Variants in ADAMTS6 observed in about 807,000 individuals in gnomAD.
ADAMTS6 encodes the protein ADAM metallopeptidase with thrombospondin type 1 motif 6.
A neutral mutation model predicts 144.3 loss-of-function variants in ADAMTS6; 23 were observed. The observed-to-expected ratio is 0.16, with a 90% CI of 0.11 to 0.23. ADAMTS6 has a LOEUF of 0.23. Ranked by LOEUF, ADAMTS6 falls within the 10% of genes least tolerant of loss-of-function variation. ADAMTS6 has a pLI of 1.00. For missense variants in ADAMTS6, 999 were observed against 1,379.6 expected (o/e 0.72, Z 4.37); for synonymous variants, 444 against 457.5 (o/e 0.97, Z 0.38).
At chr5:65,379,138 T>C (rs1006469741) in intron 7 of ADAMTS6, among the ~76,000 whole-genome samples, 12 of 152,228 alleles carry the variant, frequency 7.9e-5, no homozygotes, top group Non-Finnish European at 1.5e-4. Flanking sequence ...CCTCATTTAA[T>C]CCTTTGTTTT....
intron 9 of ADAMTS6, among the ~76,000 whole-genome samples, chr5:65,300,635 TTTC>T: frequency 6.6e-6 from 1 of 151,230 alleles, no homozygotes; most frequent in African/African-American, 2.5e-5. Flanking sequence ...TTTCTTTTTC[TTTC>T]TTTTTTTTTT....
chr5:65,401,383 G>C (rs890426241), intron 7 of ADAMTS6, among the ~76,000 whole-genome samples: 1 of 151,666 alleles, frequency 6.6e-6, no homozygotes, highest in South Asian at 2.1e-4. Context: ...TGGTTAGCTA[G>C]TTTCTCCTGA....
intron 7 of ADAMTS6, among the ~76,000 whole-genome samples, chr5:65,384,269 GCTTT>G (rs1370321108): frequency 2.6e-5 from 4 of 152,182 alleles, no homozygotes; most frequent in African/African-American, 4.8e-5. Context: ...TTCAAATTCT[GCTTT>G]CTTTTTTATT....
Position 65,205,117 on chromosome 5 carries a change from GA to G in ADAMTS6, c.2576-7967del, listed in dbSNP as rs970274604. Among the ~76,000 whole-genome samples, 116 of 142,188 alleles carry G rather than the reference GA, an allele frequency of 8.2e-4. 1 individual carries two copies. The highest frequency in any genetic ancestry group is 1.9e-3 in the African/African-American group (73 of 39,028). The allele number at this position is 142,188 out of a possible 152,430, so 93.3% of individuals were successfully genotyped here. A position where few individuals can be genotyped will look rare whatever the true frequency, so the allele number is the denominator to read the frequency against. ...TTCAATCAAGTCTATTTTGAATCTT[GA>G]AAAAAAAAAACAACAACTGGACTTT... On this transcript the variant is annotated intron_variant, in intron 20 of 24. Coordinates refer to ENST00000381055, the MANE Select transcript of ADAMTS6 (RefSeq NM_197941.4).
intron 7 of ADAMTS6, among the ~76,000 whole-genome samples, chr5:65,390,993 C>T (rs1752866547): frequency 6.6e-6 from 1 of 150,694 alleles, no homozygotes; most frequent in African/African-American, 2.4e-5. Flanking sequence ...TTGTCACCCT[C>T]ACCCAGGCTG....
intron 24 of ADAMTS6, among the ~76,000 whole-genome samples, chr5:65,154,131 C>T (rs1752276914): frequency 6.6e-6 from 1 of 152,174 alleles, no homozygotes; most frequent in African/African-American, 2.4e-5. Flanking sequence ...TCACTTGAAC[C>T]CGGGAGGCGG....
intron 9 of ADAMTS6, among the ~76,000 whole-genome samples, chr5:65,319,880 G>C (rs1745424047): frequency 6.6e-6 from 1 of 152,168 alleles, no homozygotes; most frequent in Admixed American, 6.5e-5. Flanking sequence ...TTTCACTCTT[G>C]TTGCCCAGGC....
intron 7 of ADAMTS6, among the ~76,000 whole-genome samples, chr5:65,447,917 T>C (rs953694281): frequency 2.7e-5 from 4 of 150,820 alleles, no homozygotes; most frequent in Admixed American, 6.6e-5. Flanking sequence ...CTAACTTTGG[T>C]ATTCAGAGCT....
chr5:65,271,277 A>T lies in ADAMTS6; in HGVS notation c.1620+2063T>A, dbSNP rs151102587. ...GTGGTATGTGCCTGTAATCCCAGCT[A>T]CTCAGGCAGCAGAATTGCTTAAATC... On this transcript the variant is annotated intron_variant, in intron 12 of 24. Coordinates refer to ENST00000381055, the MANE Select transcript of ADAMTS6 (RefSeq NM_197941.4). 4.1e-3 allele frequency among the ~76,000 whole-genome samples: 619 copies of T among 150,820 alleles called. 2 individuals carry two copies. Among genetic ancestry groups the T allele is most frequent in the African/African-American group, 0.013 (549 of 41,056 alleles).
intron 9 of ADAMTS6, among the ~76,000 whole-genome samples, chr5:65,321,939 C>G (rs961531753): frequency 6.6e-6 from 1 of 151,992 alleles, no homozygotes; most frequent in Non-Finnish European, 1.5e-5. Context: ...TGGTCTCAAA[C>G]TCCTGACCTC....
chr5:65,220,379 T>G (rs1188828054), intron 18 of ADAMTS6, among the ~76,000 whole-genome samples: 1 of 152,138 alleles, frequency 6.6e-6, no homozygotes, highest in Non-Finnish European at 1.5e-5. Flanking sequence ...TAATTTAAGT[T>G]TGTATCTTGA....
chr5:65,342,191 C>T (rs536473247), intron 7 of ADAMTS6, among the ~76,000 whole-genome samples: 9 of 152,122 alleles, frequency 5.9e-5, no homozygotes, highest in South Asian at 2.1e-4. Flanking sequence ...GTGTATTAGT[C>T]CATTTTCACA....
intron 24 of ADAMTS6, among the ~76,000 whole-genome samples, chr5:65,156,111 C>T (rs1167799141): frequency 6.6e-6 from 1 of 152,104 alleles, no homozygotes; most frequent in East Asian, 1.9e-4. Flanking sequence ...TTGGGGCATT[C>T]AACCCATCTA....
At chr5:65,444,776 AT>A (rs149823187) in intron 7 of ADAMTS6, among the ~76,000 whole-genome samples, 26,628 of 149,900 alleles carry the variant, frequency 0.18, 3,135 homozygotes, top group African/African-American at 0.34. Context: ...AGGATACCAC[AT>A]TTTTTTTTTG....
intron 21 of ADAMTS6, among the ~76,000 whole-genome samples, chr5:65,196,477 C>T (rs1392613993): frequency 5.2e-5 from 7 of 134,162 alleles, no homozygotes; most frequent in Admixed American, 1.6e-4. Flanking sequence ...AAGCCGAGAT[C>T]GCGCCACTGC....
intron 24 of ADAMTS6, among the ~76,000 whole-genome samples, chr5:65,161,418 T>G (rs1311668387): frequency 6.6e-6 from 1 of 152,196 alleles, no homozygotes; most frequent in Non-Finnish European, 1.5e-5. Flanking sequence ...CTCATAATGT[T>G]TTATTCACTT....
chr5:65,198,691 C>G (rs1229845994), intron 20 of ADAMTS6: 1 of 166,926 alleles, frequency 6.0e-6, no homozygotes, highest in Non-Finnish European at 1.5e-5. Flanking sequence ...CTTCTGCAAC[C>G]ATTTTTTATG....
At chr5:65,199,319 G>A (rs17812972) in intron 20 of ADAMTS6, among the ~76,000 whole-genome samples, 1,527 of 152,200 alleles carry the variant, frequency 0.01, 17 homozygotes, top group Non-Finnish European at 0.015. Flanking sequence ...ATTAAGTCAA[G>A]ATAAAATTCT....
At chr5:65,293,777 C>A (rs1365225162) in intron 10 of ADAMTS6, among the ~76,000 whole-genome samples, 1 of 152,048 alleles carries the variant, frequency 6.6e-6, no homozygotes, top group Non-Finnish European at 1.5e-5. Flanking sequence ...GGTCAAAACT[C>A]TTCTAAGAAA....
Sources: allele counts gnomAD v4.1 joint callset (sites outside exome capture counted in the v4.1 genomes callset), GRCh38; gene constraint gnomAD v4.1.1; transcripts MANE v1.5; gene names NCBI Gene and HGNC (gene_info 2026-07-23, HGNC 2026-07-21).